Variants in SFXN5 observed in about 807,000 individuals in gnomAD.
SFXN5 encodes sideroflexin 5, also known as sideroflexin-5.
Under a neutral mutation model 50.2 loss-of-function variants are expected in SFXN5, and 43 were observed. That is an observed-to-expected ratio of 0.86 (90% confidence interval 0.67 to 1.11). The LOEUF (loss-of-function observed/expected upper bound fraction) is 1.11, where lower values mean the gene tolerates loss of function less well. SFXN5 is among the 50% of genes least tolerant of loss of function. The pLI, the probability that SFXN5 is intolerant of heterozygous loss-of-function variation, is 0.00. For missense variants in SFXN5, 463 were observed against 454.1 expected, an observed-to-expected ratio of 1.02 and a Z score of -0.18; for synonymous variants, 203 against 185.8, an observed-to-expected ratio of 1.09 and a Z score of -0.75.
At chr2:72,998,338 C>T (rs1486472265) in intron 9 of SFXN5, 1 of 152,466 alleles carries the variant, frequency 6.6e-6, no homozygotes, top group Non-Finnish European at 1.5e-5. Context: ...CTGGCCTCCT[C>T]TGGGAAGCAG....
At chr2:72,983,197 C>T (rs1671525797) in intron 10 of SFXN5, among the ~76,000 whole-genome samples, 1 of 152,122 alleles carries the variant, frequency 6.6e-6, no homozygotes, top group South Asian at 2.1e-4. Context: ...ACATGAAGAC[C>T]CGTGTGGCCT....
chr2:73,057,611 T>C (rs1037116030), intron 2 of SFXN5, among the ~76,000 whole-genome samples: 1 of 152,160 alleles, frequency 6.6e-6, no homozygotes, highest in African/African-American at 2.4e-5. Context: ...AGAGAACATG[T>C]AGGGTTATGA....
intron 6 of SFXN5, among the ~76,000 whole-genome samples, chr2:73,014,077 C>G (rs1675868300): frequency 6.6e-6 from 1 of 152,082 alleles, no homozygotes; most frequent in Non-Finnish European, 1.5e-5. Context: ...ATAAATGTCG[C>G]CCTTGCTCAT....
intron 2 of SFXN5, among the ~76,000 whole-genome samples, chr2:73,045,068 GC>G (rs1223760511): frequency 2.0e-5 from 3 of 152,212 alleles, no homozygotes; most frequent in African/African-American, 7.2e-5. Context: ...GAGAGACCAG[GC>G]CCTGTTCACA....
At chr2:73,006,065 C>T (rs535537824) in intron 6 of SFXN5, among the ~76,000 whole-genome samples, 41 of 152,238 alleles carry the variant, frequency 2.7e-4, no homozygotes, top group African/African-American at 9.6e-4. Context: ...ACTGACAGCA[C>T]GTGGGAGGAC....
chr2:73,041,685 C>G, intron 2 of SFXN5: 1 of 385,004 alleles, frequency 2.6e-6, no homozygotes, highest in Non-Finnish European at 5.3e-6. Context: ...AAATAGAAAG[C>G]CTTTATAAGG....
At chr2:73,013,950 A>G (rs989413695) in intron 6 of SFXN5, among the ~76,000 whole-genome samples, 1 of 152,106 alleles carries the variant, frequency 6.6e-6, no homozygotes, top group Non-Finnish European at 1.5e-5. Context: ...AAATGTACTC[A>G]TAAACTATAT....
chr2:72,965,677 C>T (rs971254966), intron 12 of SFXN5, among the ~76,000 whole-genome samples: 2 of 152,202 alleles, frequency 1.3e-5, no homozygotes, highest in African/African-American at 4.8e-5. Flanking sequence ...ATCCCCATCG[C>T]ACTCCCTTTG....
intron 9 of SFXN5, among the ~76,000 whole-genome samples, chr2:72,995,565 G>A (rs1433507762): frequency 6.6e-6 from 1 of 152,078 alleles, no homozygotes; most frequent in Non-Finnish European, 1.5e-5. Context: ...TTTGCCCTCT[G>A]TCCCAAGGAC....
chr2:72,987,076 C>A (rs765606544), intron 10 of SFXN5, among the ~76,000 whole-genome samples: 1 of 152,148 alleles, frequency 6.6e-6, no homozygotes, highest in African/African-American at 2.4e-5. Flanking sequence ...CCTGAAATTA[C>A]CAAAATATTG....
At chr2:72,981,566 C>G (rs1307824415) in intron 10 of SFXN5, among the ~76,000 whole-genome samples, 7 of 152,198 alleles carry the variant, frequency 4.6e-5, no homozygotes, top group Non-Finnish European at 1.0e-4. Flanking sequence ...CACAGGCCTC[C>G]TCCATCCAAG....
chr2:73,066,142 C>T (rs976427361), intron 1 of SFXN5, among the ~76,000 whole-genome samples: 20 of 152,134 alleles, frequency 1.3e-4, no homozygotes, highest in African/African-American at 4.6e-4. Flanking sequence ...GATAAAGGAA[C>T]ATGCTAACCA....
intron 1 of SFXN5, among the ~76,000 whole-genome samples, chr2:73,063,755 T>TA (rs1243020147): frequency 6.6e-6 from 1 of 152,220 alleles, no homozygotes; most frequent in African/African-American, 2.4e-5. Flanking sequence ...GGTTGTTCGA[T>TA]ACTTTATAGA....
chr2:72,980,571 T>C (rs1251967829), intron 10 of SFXN5, among the ~76,000 whole-genome samples: 1 of 152,148 alleles, frequency 6.6e-6, no homozygotes, highest in Admixed American at 6.5e-5. Flanking sequence ...CATATTGAAG[T>C]GTCACCGACT....
chr2:72,986,879 TAG>T (rs1283853098), intron 10 of SFXN5, among the ~76,000 whole-genome samples: 1 of 152,164 alleles, frequency 6.6e-6, no homozygotes, highest in Admixed American at 6.5e-5. Context: ...ATCACCTGCG[TAG>T]AGCCAAGGCC....
At chr2:73,065,129 TCTCA>T (rs1683083332) in intron 1 of SFXN5, among the ~76,000 whole-genome samples, 1 of 151,872 alleles carries the variant, frequency 6.6e-6, no homozygotes, top group African/African-American at 2.4e-5. Context: ...TGAGACAGGG[TCTCA>T]CTCTGTTGCC....
At chr2:73,064,585 A>G (rs1683043733) in intron 1 of SFXN5, among the ~76,000 whole-genome samples, 1 of 152,210 alleles carries the variant, frequency 6.6e-6, no homozygotes, top group Non-Finnish European at 1.5e-5. Context: ...TATGAGACAT[A>G]TCCCCCCTGC....
intron 9 of SFXN5, chr2:72,997,430 T>A (rs890098550): frequency 4.6e-5 from 7 of 152,224 alleles, no homozygotes; most frequent in African/African-American, 1.7e-4. Flanking sequence ...GTGAATGTTT[T>A]CTTTTTCATT....
chr2:72,964,195 A>C (rs1674101717), intron 12 of SFXN5, among the ~76,000 whole-genome samples: 1 of 152,206 alleles, frequency 6.6e-6, no homozygotes, highest in South Asian at 2.1e-4. Flanking sequence ...GCATTCCTTC[A>C]GCACTTGGAG....
Sources: gnomAD v4.1 joint callset for allele counts (sites outside exome capture counted in the v4.1 genomes callset) on GRCh38, gnomAD v4.1.1 for gene constraint, MANE v1.5 for transcripts, NCBI Gene and HGNC (gene_info 2026-07-23, HGNC 2026-07-21) for gene names.